Variants in TNFRSF10D observed in about 807,000 individuals in gnomAD.
TNFRSF10D encodes the protein tumor necrosis factor receptor superfamily member 10D.
A neutral mutation model predicts 42.1 loss-of-function variants in TNFRSF10D; 28 were observed. The ratio of observed to expected loss-of-function variants is 0.66; its 90% CI spans 0.49 to 0.91. TNFRSF10D has a LOEUF of 0.91. TNFRSF10D is among the 40% of genes least tolerant of loss of function. The pLI is 0.00. For synonymous variants in TNFRSF10D, 186 were observed against 189.4 expected (o/e 0.98, Z 0.15); for missense variants, 503 against 486.1 (o/e 1.03, Z -0.33).
intron 6 of TNFRSF10D, 117 bp downstream of exon 6, chr8:23,144,941 T>C: frequency 6.1e-6 from 9 of 1,467,260 alleles, no homozygotes; most frequent in Non-Finnish European, 8.6e-6. Context: ...CCCCAGGCCA[T>C]GTCAGAGAGT....
chr8:23,163,641 A>G lies in TNFRSF10D; in HGVS notation c.150+145T>C, dbSNP rs571300445. 1.4e-4 allele frequency: 189 copies of G among 1,311,114 alleles called. No individual in the cohort carries two copies. The African/African-American group carries it at 2.4e-3, about 16-fold the overall frequency. The allele number at this position is 1,311,114 out of a possible 1,614,324, so 81.2% of individuals were successfully genotyped here. On this transcript the variant is annotated intron_variant, in intron 1 of 8. Coordinates refer to ENST00000312584, the MANE Select transcript of TNFRSF10D (RefSeq NM_003840.5). Reference sequence around the variant, plus strand: ...GCCCGGGCACCCCACTCTTCCCCTGACTCCGACGGCGGGTTCGTCCTGCCC... The same window carrying G: ...GCCCGGGCACCCCACTCTTCCCCTGGCTCCGACGGCGGGTTCGTCCTGCCC...
At position 23,154,896 on chromosome 8, in the gene TNFRSF10D, G is replaced by A. The variant is rs1201644318; in HGVS notation, c.234C>T (p.Leu78=). ...TVAPQQQRRS[L]KEEECPAGSH... is the part of the protein sequence containing the mutation. Reference sequence around the variant, plus strand: ...CACCTGCTGGACACTCCTCCTCCTTGAGGCTGCGCCTCTGTTGCTGTGGGG... The same window carrying A: ...CACCTGCTGGACACTCCTCCTCCTTAAGGCTGCGCCTCTGTTGCTGTGGGG... The change falls in exon 2 of 9, where the codon CTC becomes CTT. Residue 78 remains leucine (L), a synonymous_variant. Coordinates refer to ENST00000312584, the MANE Select transcript of TNFRSF10D (RefSeq NM_003840.5). The A allele has an allele frequency of 1.2e-6, 2 of 1,613,710 alleles. No individual in the cohort carries two copies. Among genetic ancestry groups the A allele is most frequent in the African/African-American group, 1.3e-5 (1 of 74,908 alleles).
At chr8:23,140,166 G>A (rs1814428992) in intron 7 of TNFRSF10D, among the ~76,000 whole-genome samples, 2 of 152,250 alleles carry the variant, frequency 1.3e-5, no homozygotes, top group East Asian at 1.9e-4. Context: ...GTGTGCGCCT[G>A]TAATCCCAGC....
At position 23,158,160 on chromosome 8, in the gene TNFRSF10D, TCTAA is replaced by T. The variant is rs547147608; in HGVS notation, c.151-3185_151-3182del. ...TTCCGTTCCTTCCTTTCCTTCCTGT[TCTAA>T]AGCTTTTTTAATAAACTTTCACTCC... On this transcript the variant is annotated intron_variant, in intron 1 of 8. Transcript: ENST00000312584. Among the ~76,000 whole-genome samples, 29 of 146,286 alleles carry T rather than the reference TCTAA, an allele frequency of 2.0e-4. 1 individual carries two copies. The South Asian group carries it at 6.2e-3, about 31-fold the overall frequency.
At position 23,150,676 on chromosome 8, in the gene TNFRSF10D, A is replaced by T. The variant is rs542832101; in HGVS notation, c.257-2125T>A. On this transcript the variant is annotated intron_variant, in intron 2 of 8. Transcript: ENST00000312584. ...GTCATGTCAGGAAAACAATACATGA[A>T]CAAAATGAGTAGTTTAATATACACA... Among the ~76,000 whole-genome samples, 7 of 152,382 alleles carry T rather than the reference A, an allele frequency of 4.6e-5. No homozygotes were observed. In the South Asian group the frequency reaches 1.0e-3, roughly 23 times the overall value.
Position 23,163,870 on chromosome 8 carries a change from G to C in TNFRSF10D, c.66C>G (p.Ala22=). 6.2e-7 allele frequency: 1 copy of C among 1,603,878 alleles called. No homozygotes were observed. Residue 22 remains alanine (A), a synonymous_variant, in exon 1 of 9, where the codon GCC becomes GCG. Coordinates refer to ENST00000312584, the MANE Select transcript of TNFRSF10D (RefSeq NM_003840.5). ...SSARAGRYPG[A]RTASGTRPWL... is the part of the protein sequence containing the mutation. Reference sequence around the variant, plus strand: ...ATGGTCTGGTTCCCGACGCTGTCCTGGCTCCTGGATAGCGCCCTGCTCGAG... The same window carrying C: ...ATGGTCTGGTTCCCGACGCTGTCCTCGCTCCTGGATAGCGCCCTGCTCGAG...
intron 3 of TNFRSF10D, 44 bp downstream of exon 3, chr8:23,148,394 A>G (rs533759840): frequency 6.6e-7 from 1 of 1,506,874 alleles, no homozygotes; most frequent in Non-Finnish European, 9.2e-7. Context: ...CCACCTCATC[A>G]CTATGCACTC....
chr8:23,163,569 G>C (rs1298983264), intron 1 of TNFRSF10D, among the ~76,000 whole-genome samples: 2 of 152,316 alleles, frequency 1.3e-5, no homozygotes, highest in Admixed American at 1.3e-4. Flanking sequence ...GGGACAGCCA[G>C]GGGGAGCGCG....
At chr8:23,144,718 C>G in intron 6 of TNFRSF10D, 83 bp from the exon 7 acceptor site, 1 of 1,490,976 alleles carries the variant, frequency 6.7e-7, no homozygotes, top group Middle Eastern at 1.9e-4. Flanking sequence ...CCTGCCATCC[C>G]CAACCCCTTC....
At position 23,136,513 on chromosome 8, in the gene TNFRSF10D, CTT is replaced by C. The variant is rs1814332671; in HGVS notation, c.*1355_*1356del. 1 of 162,158 alleles carries C rather than the reference CTT, an allele frequency of 6.2e-6. No homozygotes were observed. The highest frequency in any genetic ancestry group is 1.3e-5 in the Non-Finnish European group (1 of 75,064). 10.0% of individuals were successfully genotyped at this position (162,158 alleles called of 1,614,324 possible). ...TCCCAAGCACCGTCCACTCTTCCCT[CTT>C]GATGCCATGGCAGATGCCGGGGCAG... On this transcript the variant is annotated 3_prime_UTR_variant, in exon 9 of 9. Transcript: ENST00000312584.
Position 23,137,956 on chromosome 8 carries a change from T to A in TNFRSF10D, c.1075A>T (p.Lys359Ter). Reference sequence around the variant, plus strand: ...ACCAGTTGGTCCTGAATTGTTTCCTTTGCATGTCCTTCTTCCAGTGTTGCC... The same window carrying A: ...ACCAGTTGGTCCTGAATTGTTTCCTATGCATGTCCTTCTTCCAGTGTTGCC... The part of the protein sequence containing the change: ...ASATLEEGHA[K>*]ETIQDQLVGS... Residue 359 changes from lysine (K) to a stop codon, truncating the protein, a stop_gained, in exon 9 of 9, where the codon AAG becomes TAG. Transcript: ENST00000312584. LOFTEE classifies it low-confidence loss of function (END_TRUNC). 1 of 1,614,232 alleles carries A rather than the reference T, an allele frequency of 6.2e-7. No individual in the cohort carries two copies.
At chr8:23,144,009 C>T (rs950062457) in intron 7 of TNFRSF10D, among the ~76,000 whole-genome samples, 3 of 152,190 alleles carry the variant, frequency 2.0e-5, no homozygotes, top group East Asian at 1.9e-4. Flanking sequence ...CCTACTTCTT[C>T]CCAGAAGCCT....
In TNFRSF10D at chr8:23,154,933, T is replaced by A; in HGVS notation, c.197A>T (p.Gln66Leu). The A allele has an allele frequency of 1.2e-6, 2 of 1,613,894 alleles. No homozygotes were observed. The highest frequency in any genetic ancestry group is 8.5e-7 in the Non-Finnish European group (1 of 1,179,886). ...CTGTTGCTGTGGGGCCACTGTCTGCTGGGGAACTTCGTCCTGCCGGGGGAT... is the reference window on the plus strand; with the variant it reads ...CTGTTGCTGTGGGGCCACTGTCTGCAGGGGAACTTCGTCCTGCCGGGGGAT... ...ATIPRQDEVP[Q>L]QTVAPQQQRR... The change falls in exon 2 of 9, where the codon CAG becomes CTG. Residue 66 changes from glutamine to leucine, a missense_variant. Physicochemically the swap from Gln to Leu is moderately radical, Grantham distance 113. Coordinates refer to ENST00000312584, the MANE Select transcript of TNFRSF10D (RefSeq NM_003840.5).
At chr8:23,158,874 G>A (rs905888257) in intron 1 of TNFRSF10D, among the ~76,000 whole-genome samples, 2 of 152,142 alleles carry the variant, frequency 1.3e-5, no homozygotes, top group African/African-American at 4.8e-5. Flanking sequence ...TGAGATGTAC[G>A]TATACACTGT....
chr8:23,142,876 A>C (rs1469021418), intron 7 of TNFRSF10D, among the ~76,000 whole-genome samples: 1 of 152,276 alleles, frequency 6.6e-6, no homozygotes, highest in Non-Finnish European at 1.5e-5. Context: ...ACAAAGAATC[A>C]CAAGAAATTA....
At chr8:23,157,327 A>C (rs1800295002) in intron 1 of TNFRSF10D, among the ~76,000 whole-genome samples, 1 of 152,018 alleles carries the variant, frequency 6.6e-6, no homozygotes, top group Non-Finnish European at 1.5e-5. Flanking sequence ...TTCCCTTTTG[A>C]TTTCTTCTCT....
At chr8:23,146,094 GA>G (rs1392152100) in intron 4 of TNFRSF10D, among the ~76,000 whole-genome samples, 173 bp from the exon 5 acceptor site, 1 of 152,210 alleles carries the variant, frequency 6.6e-6, no homozygotes, top group Non-Finnish European at 1.5e-5. Context: ...GGAAGGGTCT[GA>G]GCATGCACAC....
intron 1 of TNFRSF10D, among the ~76,000 whole-genome samples, chr8:23,160,786 C>A (rs553520900): frequency 6.6e-6 from 1 of 152,344 alleles, no homozygotes; most frequent in South Asian, 2.1e-4. Context: ...GCTGGGTGAG[C>A]AGCCATCTGC....
At chr8:23,148,799 CA>C in intron 2 of TNFRSF10D, among the ~76,000 whole-genome samples, 1 of 145,992 alleles carries the variant, frequency 6.8e-6, no homozygotes, top group South Asian at 2.2e-4. Flanking sequence ...TAAAATAGTA[CA>C]AAGAATGAGG....
Sources: gnomAD v4.1 joint callset for allele counts (sites outside exome capture counted in the v4.1 genomes callset) on GRCh38, gnomAD v4.1.1 for gene constraint, MANE v1.5 for transcripts, NCBI Gene and HGNC (gene_info 2026-07-23, HGNC 2026-07-21) for gene names.